The following EPHX1 variants were observed in gnomAD, a reference collection of about 807,000 sequenced individuals.
EPHX1 encodes epoxide hydratase.
Under a neutral mutation model 43.2 loss-of-function variants are expected in EPHX1, and 40 were observed. The observed-to-expected ratio is 0.93, with a 90% confidence interval of 0.72 to 1.21. EPHX1 has a LOEUF of 1.21. Ranked by LOEUF, EPHX1 falls within the 50% of genes most tolerant of loss-of-function variation. EPHX1 has a pLI of 0.00. For missense variants in EPHX1, 550 were observed against 570.4 expected (o/e 0.96, Z 0.36); for synonymous variants, 221 against 226.7 (o/e 0.98, Z 0.22).
chr1:225,818,793 T>C (rs1033429446), intron 1 of EPHX1, among the ~76,000 whole-genome samples: 36 of 152,068 alleles, frequency 2.4e-4, no homozygotes, highest in Non-Finnish European at 1.0e-4. Context: ...ATGATCAGAT[T>C]TGCATTTCCA....
At position 225,828,925 on chromosome 1, in the gene EPHX1, G is replaced by A; in HGVS notation, c.183+13G>A. ...TGAGGAGATCCACGTAAGGCACCTT[G>A]GGCCGGGCCGGGCTGGGCAGTGGAG... On this transcript the variant is annotated intron_variant, in intron 2 of 8. Transcript: ENST00000272167. 1.9e-6 allele frequency: 3 copies of A among 1,556,576 alleles called. No homozygotes were observed. The highest frequency in any genetic ancestry group is 1.7e-6 in the Non-Finnish European group (2 of 1,149,172).
chr1:225,828,973 G>A (rs1467395000), intron 2 of EPHX1, 61 bp downstream of exon 2: 1 of 1,543,652 alleles, frequency 6.5e-7, no homozygotes, highest in East Asian at 2.4e-5. Flanking sequence ...CGAAGACAGG[G>A]GTTGGGTCTT....
At chr1:225,828,612 C>A in intron 1 of EPHX1, 113 bp from the exon 2 acceptor site, 1 of 853,928 alleles carries the variant, frequency 1.2e-6, no homozygotes. Flanking sequence ...TAAATAAAAT[C>A]AGGGACAGGG....
chr1:225,839,819 C>G lies in EPHX1; in HGVS notation c.723-10C>G, dbSNP rs368919117. 8.7e-6 allele frequency: 14 copies of G among 1,613,292 alleles called. No homozygotes were observed. Among genetic ancestry groups the G allele is most frequent in the Non-Finnish European group, 1.2e-5 (14 of 1,179,872 alleles). On this transcript the variant is annotated splice_polypyrimidine_tract_variant and intron_variant, in intron 5 of 8. Coordinates refer to ENST00000272167, the MANE Select transcript of EPHX1 (RefSeq NM_001136018.4). ...CCCAGCCTCACCCCGGCCCCTCTCT[C>G]TGCCTTCAGCCACGTGAAAGGCCTG...
At chr1:225,839,369 GT>G (rs1668193283) in intron 5 of EPHX1, 23 bp downstream of exon 5, 5 of 697,096 alleles carry the variant, frequency 7.2e-6, no homozygotes, top group African/African-American at 2.3e-5. Flanking sequence ...TTGGGGTGGT[GT>G]GTGTGTGTGT....
At chr1:225,821,111 A>G (rs1221729587) in intron 1 of EPHX1, among the ~76,000 whole-genome samples, 1 of 152,246 alleles carries the variant, frequency 6.6e-6, no homozygotes, top group Non-Finnish European at 1.5e-5. Flanking sequence ...AACTTTAAGT[A>G]TCAATCTTAA....
chr1:225,828,944 A>G, intron 2 of EPHX1, 32 bp downstream of exon 2: 1 of 1,552,328 alleles, frequency 6.4e-7, no homozygotes, highest in South Asian at 1.2e-5. Flanking sequence ...CGGGCTGGGC[A>G]GTGGAGAGGG....
At position 225,831,818 on chromosome 1, in the gene EPHX1, C is replaced by G; in HGVS notation, c.223C>G (p.Pro75Ala). 1 of 1,614,190 alleles carries G rather than the reference C, an allele frequency of 6.2e-7. No homozygotes were observed. The highest frequency in any genetic ancestry group is 8.5e-7 in the Non-Finnish European group (1 of 1,180,042). The change falls in exon 3 of 9, where the codon CCT becomes GCT. Residue 75 changes from proline to alanine, a missense_variant. By Grantham distance (27) the Pro-to-Ala change is conservative. Transcript: ENST00000272167. Reference sequence around the variant, plus strand: ...GATCGATAAGTTCCGTTTCACCCCACCTTTGGAGGACAGCTGCTTCCACTA... The same window carrying G: ...GATCGATAAGTTCCGTTTCACCCCAGCTTTGGAGGACAGCTGCTTCCACTA... ...QRIDKFRFTPPLEDSCFHYGF... is the reference protein window; with the variant it reads ...QRIDKFRFTPALEDSCFHYGF...
chr1:225,815,957 A>G (rs1030291831), intron 1 of EPHX1, among the ~76,000 whole-genome samples: 1 of 152,158 alleles, frequency 6.6e-6, no homozygotes, highest in South Asian at 2.1e-4. Context: ...ATCTGCTCCT[A>G]TTATCCCCTG....
chr1:225,814,127 C>A (rs965097455), intron 1 of EPHX1, among the ~76,000 whole-genome samples: 1 of 152,150 alleles, frequency 6.6e-6, no homozygotes, highest in Non-Finnish European at 1.5e-5. Context: ...AGTGGCTGGG[C>A]AAGATGGCGC....
intron 2 of EPHX1, among the ~76,000 whole-genome samples, chr1:225,830,879 C>T (rs535947912): frequency 5.9e-5 from 9 of 152,232 alleles, no homozygotes; most frequent in South Asian, 2.1e-4. Flanking sequence ...TTTAGCACAG[C>T]GCCCATGCCA....
intron 1 of EPHX1, 22 bp from the exon 2 acceptor site, chr1:225,828,703 A>T: frequency 6.2e-7 from 1 of 1,607,406 alleles, no homozygotes; most frequent in South Asian, 1.1e-5. Context: ...TCCGTTGTTA[A>T]TGGCTTCCCC....
At position 225,845,485 on chromosome 1, in the gene EPHX1, CCCTCCAAGCTCACT is replaced by C; in HGVS notation, c.*141_*154del. On this transcript the variant is annotated 3_prime_UTR_variant, in exon 9 of 9. Coordinates refer to ENST00000272167, the MANE Select transcript of EPHX1 (RefSeq NM_001136018.4). The stretch of plus-strand genomic sequence containing the variant: ...TGGGAGCCCACGCTCACCCCCTCAC[CCCTCCAAGCTCACT>C]CCCCAACCCCCAACTCCGTGTGGTA... The C allele has an allele frequency of 1.2e-6, 1 of 840,860 alleles. No homozygotes were observed. Among genetic ancestry groups the C allele is most frequent in the East Asian group, 2.7e-5 (1 of 37,654 alleles). The allele number at this position is 840,860 out of a possible 1,614,324, so 52.1% of individuals were successfully genotyped here.
intron 2 of EPHX1, among the ~76,000 whole-genome samples, chr1:225,831,193 G>A (rs542064655): frequency 1.3e-5 from 2 of 152,188 alleles, no homozygotes; most frequent in Non-Finnish European, 2.9e-5. Context: ...GAAAAAGTTT[G>A]CCGACTCCCG....
chr1:225,837,014 T>C lies in EPHX1; in HGVS notation c.365-1640T>C, dbSNP rs1354660347. 2.6e-5 allele frequency among the ~76,000 whole-genome samples: 4 copies of C among 152,364 alleles called. No homozygotes were observed. The East Asian group carries it at 5.8e-4, about 22-fold the overall frequency. On this transcript the variant is annotated intron_variant, in intron 3 of 8. Transcript: ENST00000272167. The stretch of plus-strand genomic sequence containing the variant: ...TAATATCTCAGTCTGGTTCGTTAAT[T>C]GTAATAAATGTACCATGCTAACATA...
chr1:225,839,401 G>GTC, intron 5 of EPHX1, 55 bp downstream of exon 5: 1 of 1,583,030 alleles, frequency 6.3e-7, no homozygotes, highest in Non-Finnish European at 8.6e-7. Context: ...GTGTGTGTGT[G>GTC]TCCTCTAAGA....
At position 225,817,353 on chromosome 1, in the gene EPHX1, G is replaced by T. The variant is rs1196067905; in HGVS notation, c.-6+7184G>T. Among the ~76,000 whole-genome samples, 1 of 152,232 alleles carries T rather than the reference G, an allele frequency of 6.6e-6. No homozygotes were observed. Among genetic ancestry groups the T allele is most frequent in the African/African-American group, 2.4e-5 (1 of 41,476 alleles). ...CAAGGCTTGGGTAGCTGCTGACAGG[G>T]AGTTCACAGCAGGAACGCTCCCAGG... On this transcript the variant is annotated intron_variant, in intron 1 of 8. Transcript: ENST00000272167. This position sits in a 1 kb window ranked among gnomAD's most constrained non-coding sequence, Gnocchi z 5.7.
In EPHX1 at chr1:225,839,366, GGT is replaced by G. The variant is rs34868815; in HGVS notation, c.722+55_722+56del. 154,098 of 1,491,886 alleles carry G rather than the reference GGT, an allele frequency of 0.1. 11 individuals carry two copies. The highest frequency in any genetic ancestry group is 0.13 in the Middle Eastern group (652 of 4,918). The allele number at this position is 1,491,886 out of a possible 1,614,324, so 92.4% of individuals were successfully genotyped here. ...GCCCAGGTGAGGTCACTGTTGGGGT[GGT>G]GTGTGTGTGTGTGTGTGTGTGTGTG... is the stretch of plus-strand genomic sequence containing the variant. On this transcript the variant is annotated intron_variant, in intron 5 of 8. Transcript: ENST00000272167.
chr1:225,821,806 A>G (rs192801502), intron 1 of EPHX1, among the ~76,000 whole-genome samples: 11 of 144,282 alleles, frequency 7.6e-5, no homozygotes, highest in African/African-American at 2.3e-4. Context: ...CAAGTAATCT[A>G]CCTGCGTTGG....
Sources: allele counts gnomAD v4.1 joint callset (sites outside exome capture counted in the v4.1 genomes callset), GRCh38; gene constraint gnomAD v4.1.1; non-coding constraint Gnocchi (gnomAD v3.1); transcripts MANE v1.5; gene names NCBI Gene and HGNC (gene_info 2026-07-23, HGNC 2026-07-21).